Variants in PKDCC observed in about 807,000 individuals in gnomAD.
PKDCC encodes protein kinase domain containing, cytoplasmic, also known as extracellular tyrosine-protein kinase PKDCC.
Under a neutral mutation model 44.7 loss-of-function variants are expected in PKDCC, and 35 were observed. The observed-to-expected ratio is 0.78, with a 90% CI of 0.60 to 1.04. PKDCC has a LOEUF of 1.04. Ranked by LOEUF, PKDCC falls within the 50% of genes least tolerant of loss-of-function variation. The pLI is 0.00. For synonymous variants in PKDCC, 353 were observed against 303.3 expected, an observed-to-expected ratio of 1.16 and a Z score of -1.70; for missense variants, 738 against 672.7, an observed-to-expected ratio of 1.10 and a Z score of -1.07.
chr2:42,053,374 G>A lies in PKDCC; in HGVS notation c.762+13G>A, dbSNP rs746160665. 8 of 1,605,182 alleles carry A rather than the reference G, an allele frequency of 5.0e-6. No individual in the cohort carries two copies. The South Asian group carries it at 5.6e-5, about 11-fold the overall frequency. ...GGATCGATTCCGAGTGAGCTCAGAGGAGGGCTCGGGCCCTGGGCTCCTTGC... is the reference window on the plus strand; with the variant it reads ...GGATCGATTCCGAGTGAGCTCAGAGAAGGGCTCGGGCCCTGGGCTCCTTGC... On this transcript the variant is annotated intron_variant, in intron 2 of 6. Coordinates refer to ENST00000294964, the MANE Select transcript of PKDCC (RefSeq NM_138370.3).
At position 42,057,583 on chromosome 2, in the gene PKDCC, C is replaced by A; in HGVS notation, c.1397-20C>A. ...AAAGAGAAACATCCAGCCCTGTTAC[C>A]TCTCACCTCTGCCCCCCAGGTCGGC... On this transcript the variant is annotated intron_variant, in intron 6 of 6. Transcript: ENST00000294964. The A allele has an allele frequency of 6.2e-7, 1 of 1,611,830 alleles. No individual in the cohort carries two copies.
Position 42,051,947 on chromosome 2 carries a change from A to G in PKDCC, c.640-1292A>G, listed in dbSNP as rs1372427538. 6.6e-6 allele frequency among the ~76,000 whole-genome samples: 1 copy of G among 152,082 alleles called. No individual in the cohort carries two copies. The highest frequency in any genetic ancestry group is 1.9e-4 in the East Asian group (1 of 5,182). On this transcript the variant is annotated intron_variant, in intron 1 of 6. Transcript: ENST00000294964. The surrounding 1 kb of genome is among the most constrained non-coding windows in gnomAD (Gnocchi z 4.2). Reference sequence around the variant, plus strand: ...TCTCCTCTCCCTGAGTCGGGCCTGGACAACTCAGCCTTCGTGTTTCTACCC... The same window carrying G: ...TCTCCTCTCCCTGAGTCGGGCCTGGGCAACTCAGCCTTCGTGTTTCTACCC...
intron 1 of PKDCC, 44 bp from the exon 2 acceptor site, chr2:42,053,195 A>ACCCCCCC: frequency 2.8e-6 from 2 of 724,828 alleles, no homozygotes; most frequent in South Asian, 2.2e-5. Flanking sequence ...CCCTGTCCCC[A>ACCCCCCC]CCCCCACCCT....
In PKDCC at chr2:42,052,423, C is replaced by T. The variant is rs1456122852; in HGVS notation, c.640-816C>T. Among the ~76,000 whole-genome samples the T allele has an allele frequency of 1.3e-5, 2 of 152,106 alleles. No homozygotes were observed. Among genetic ancestry groups the T allele is most frequent in the African/African-American group, 2.4e-5 (1 of 41,412 alleles). On this transcript the variant is annotated intron_variant, in intron 1 of 6. Coordinates refer to ENST00000294964, the MANE Select transcript of PKDCC (RefSeq NM_138370.3). The surrounding 1 kb of genome is among the most constrained non-coding windows in gnomAD (Gnocchi z 4.3). ...GAAGGATAATGTCCAACCGTATGCT[C>T]GCTTGTGTATTACCAAACAGCATTC...
rs1667990638 is a variant in PKDCC at position 42,052,751 on chromosome 2, AAG to A, written c.640-486_640-485del. On this transcript the variant is annotated intron_variant, in intron 1 of 6. Transcript: ENST00000294964. This position sits in a 1 kb window ranked among gnomAD's most constrained non-coding sequence, Gnocchi z 4.3. ...AGCGAGGCTGTCTCAAAAAAAAAAAAAGAAAAGAAAAGAAAAATAAATAAAAA... is the reference window on the plus strand; with the variant it reads ...AGCGAGGCTGTCTCAAAAAAAAAAAAAAAAGAAAAGAAAAATAAATAAAAA... Among the ~76,000 whole-genome samples the A allele has an allele frequency of 6.6e-6, 1 of 150,624 alleles. No homozygotes were observed. The highest frequency in any genetic ancestry group is 1.5e-5 in the Non-Finnish European group (1 of 67,254).
chr2:42,049,653 G>A (rs573266111), intron 1 of PKDCC, among the ~76,000 whole-genome samples: 1 of 152,150 alleles, frequency 6.6e-6, no homozygotes, highest in East Asian at 1.9e-4. Flanking sequence ...ACTCTGCCTC[G>A]CCTGTTCACT....
chr2:42,048,886 A>G lies in PKDCC; in HGVS notation c.639+48A>G. The G allele has an allele frequency of 7.1e-7, 1 of 1,410,928 alleles. No individual in the cohort carries two copies. The highest frequency in any genetic ancestry group is 9.3e-7 in the Non-Finnish European group (1 of 1,077,582). The allele number at this position is 1,410,928 out of a possible 1,614,324, so 87.4% of individuals were successfully genotyped here. A position where few individuals can be genotyped will look rare whatever the true frequency, so the allele number is the denominator to read the frequency against. ...GTAACGGTGTTGGCTGGGAGTGCCC[A>G]AGACCTTGTCAACCTGGCTGGAAGA... is the stretch of plus-strand genomic sequence containing the variant. On this transcript the variant is annotated intron_variant, in intron 1 of 6. Coordinates refer to ENST00000294964, the MANE Select transcript of PKDCC (RefSeq NM_138370.3). This position sits in a 1 kb window ranked among gnomAD's most constrained non-coding sequence, Gnocchi z 6.2.
At chr2:42,053,701 A>G (rs1668006414) in intron 2 of PKDCC, among the ~76,000 whole-genome samples, 1 of 152,084 alleles carries the variant, frequency 6.6e-6, no homozygotes, top group Admixed American at 6.5e-5. Flanking sequence ...CCTTAATACC[A>G]TCCTGACCCT....
Position 42,055,089 on chromosome 2 carries a change from G to A in PKDCC, c.1114+69G>A. The A allele has an allele frequency of 6.6e-7, 1 of 1,511,370 alleles. No homozygotes were observed. The highest frequency in any genetic ancestry group is 9.2e-7 in the Non-Finnish European group (1 of 1,089,350). The allele number at this position is 1,511,370 out of a possible 1,614,324, so 93.6% of individuals were successfully genotyped here. A position where few individuals can be genotyped will look rare whatever the true frequency, so the allele number is the denominator to read the frequency against. On this transcript the variant is annotated intron_variant, in intron 4 of 6. Coordinates refer to ENST00000294964, the MANE Select transcript of PKDCC (RefSeq NM_138370.3). The surrounding 1 kb of genome is among the most constrained non-coding windows in gnomAD (Gnocchi z 4.5). ...CCCCACCCGCCAGCAAAAGTGGGGA[G>A]AAAAATAACCCAGGGCAGCAGGGGT...
At chr2:42,050,944 G>C (rs1667957179) in intron 1 of PKDCC, among the ~76,000 whole-genome samples, 1 of 152,132 alleles carries the variant, frequency 6.6e-6, no homozygotes, top group South Asian at 2.1e-4. Flanking sequence ...CTTCAGGGCA[G>C]GTGTACAGGG....
At chr2:42,049,414 G>C (rs1667931210) in intron 1 of PKDCC, among the ~76,000 whole-genome samples, 1 of 152,062 alleles carries the variant, frequency 6.6e-6, no homozygotes. Context: ...CACTGGAAGG[G>C]GGCTGGGGAG....
chr2:42,057,319 G>T lies in PKDCC; in HGVS notation c.1321G>T (p.Ala441Ser). 1 of 1,614,214 alleles carries T rather than the reference G, an allele frequency of 6.2e-7. No individual in the cohort carries two copies. The highest frequency in any genetic ancestry group is 8.5e-7 in the Non-Finnish European group (1 of 1,180,042). ...CTGCCTCCTTTCAGTGTTCAACCTG[G>T]CTGAGGCTGTGGATGTCTGTGAGAG... is the stretch of plus-strand genomic sequence containing the variant. ...GSCLLSVFNL[A>S]EAVDVCESHA... Residue 441 changes from alanine to serine, a missense_variant, in exon 6 of 7, where the codon GCT becomes TCT. Physicochemically the swap from Ala to Ser is moderately conservative, Grantham distance 99 (BLOSUM62 1). Transcript: ENST00000294964.
rs1452370975 is a variant in PKDCC, at chr2:42,052,224, A to G, written c.640-1015A>G. Among the ~76,000 whole-genome samples, 2 of 152,142 alleles carry G rather than the reference A, an allele frequency of 1.3e-5. No individual in the cohort carries two copies. Among genetic ancestry groups the G allele is most frequent in the Admixed American group, 1.3e-4 (2 of 15,276 alleles). Reference sequence around the variant, plus strand: ...CTCACTACCACCCCCACTGATACACATCACTCATATGCAAAACACACCTGG... The same window carrying G: ...CTCACTACCACCCCCACTGATACACGTCACTCATATGCAAAACACACCTGG... On this transcript the variant is annotated intron_variant, in intron 1 of 6. Transcript: ENST00000294964. This position sits in a 1 kb window ranked among gnomAD's most constrained non-coding sequence, Gnocchi z 4.3.
Position 42,058,465 on chromosome 2 carries a change from T to A in PKDCC, c.*777T>A, listed in dbSNP as rs1193728665. 2.6e-5 allele frequency: 4 copies of A among 152,470 alleles called. No individual in the cohort carries two copies. The highest frequency in any genetic ancestry group is 4.8e-5 in the African/African-American group (2 of 41,450). 9.4% of individuals were successfully genotyped at this position (152,470 alleles called of 1,614,324 possible). ...TACTTCTTGTTGGTTAAATTGTTTATTTTTGTAAAAAATAAAATAAAATTA... is the reference window on the plus strand; with the variant it reads ...TACTTCTTGTTGGTTAAATTGTTTAATTTTGTAAAAAATAAAATAAAATTA... On this transcript the variant is annotated 3_prime_UTR_variant, in exon 7 of 7. Coordinates refer to ENST00000294964, the MANE Select transcript of PKDCC (RefSeq NM_138370.3). The surrounding 1 kb of genome is among the most constrained non-coding windows in gnomAD (Gnocchi z 4.2).
intron 5 of PKDCC, among the ~76,000 whole-genome samples, chr2:42,056,054 G>A (rs1410964613): frequency 3.9e-5 from 6 of 152,190 alleles, no homozygotes. Context: ...TAGTCTTAGG[G>A]GTGGGGGAGC....
At position 42,057,468 on chromosome 2, in the gene PKDCC, A is replaced by T. The variant is rs537591445; in HGVS notation, c.1396+74A>T. 2.9e-5 allele frequency: 46 copies of T among 1,586,728 alleles called. No individual in the cohort carries two copies. In the East Asian group the frequency reaches 9.6e-4, roughly 33 times the overall value. Reference sequence around the variant, plus strand: ...GGAGGTTGATAGATAGTGATCCCCCATCGGAAGTCAGAGGGGGTGCTGAGG... The same window carrying T: ...GGAGGTTGATAGATAGTGATCCCCCTTCGGAAGTCAGAGGGGGTGCTGAGG... On this transcript the variant is annotated intron_variant, in intron 6 of 6. Coordinates refer to ENST00000294964, the MANE Select transcript of PKDCC (RefSeq NM_138370.3).
In PKDCC at chr2:42,057,847, T is replaced by A; in HGVS notation, c.*159T>A. 1 of 624,966 alleles carries A rather than the reference T, an allele frequency of 1.6e-6. No homozygotes were observed. Among genetic ancestry groups the A allele is most frequent in the Non-Finnish European group, 2.8e-6 (1 of 359,676 alleles). The allele number at this position is 624,966 out of a possible 1,614,324, so 38.7% of individuals were successfully genotyped here. A position where few individuals can be genotyped will look rare whatever the true frequency, so the allele number is the denominator to read the frequency against. On this transcript the variant is annotated 3_prime_UTR_variant, in exon 7 of 7. Coordinates refer to ENST00000294964, the MANE Select transcript of PKDCC (RefSeq NM_138370.3). ...AGATGTGACCAGGACAAACGTGCAA[T>A]AATGCCAAATGTTAAAATGTGAGTT...
chr2:42,052,674 A>G lies in PKDCC; in HGVS notation c.640-565A>G, dbSNP rs565315987. Reference sequence around the variant, plus strand: ...TGAGGCAGGAGAATCGCCCGCACCCAGGAAGCAGAGTGAGCTGAGATCATG... The same window carrying G: ...TGAGGCAGGAGAATCGCCCGCACCCGGGAAGCAGAGTGAGCTGAGATCATG... On this transcript the variant is annotated intron_variant, in intron 1 of 6. Coordinates refer to ENST00000294964, the MANE Select transcript of PKDCC (RefSeq NM_138370.3). This position sits in a 1 kb window ranked among gnomAD's most constrained non-coding sequence, Gnocchi z 4.3. 1.3e-5 allele frequency among the ~76,000 whole-genome samples: 2 copies of G among 151,934 alleles called. No homozygotes were observed. The highest frequency in any genetic ancestry group is 4.8e-5 in the African/African-American group (2 of 41,352).
At chr2:42,049,795 A>G (rs1667936984) in intron 1 of PKDCC, among the ~76,000 whole-genome samples, 1 of 152,166 alleles carries the variant, frequency 6.6e-6, no homozygotes, top group African/African-American at 2.4e-5. Context: ...TCCTAAGATT[A>G]GACAGACTAT....
Sources: gnomAD v4.1 joint callset for allele counts (sites outside exome capture counted in the v4.1 genomes callset) on GRCh38, gnomAD v4.1.1 for gene constraint, Gnocchi (gnomAD v3.1) non-coding constraint, MANE v1.5 for transcripts, NCBI Gene and HGNC (gene_info 2026-07-23, HGNC 2026-07-21) for gene names.